PLSCR4: variants seen among roughly 807,000 people sequenced by gnomAD.
PLSCR4 encodes the protein phospholipid scramblase 4, also known as Ca(2+)-dependent phospholipid scramblase 4.
Under a neutral mutation model 36.3 loss-of-function variants are expected in PLSCR4, and 25 were observed. That is an observed-to-expected ratio of 0.69 (90% CI 0.50 to 0.96). The LOEUF (loss-of-function observed/expected upper bound fraction) is 0.96. Ranked by LOEUF, PLSCR4 falls within the 40% of genes least tolerant of loss-of-function variation. The pLI, the probability that PLSCR4 is intolerant of heterozygous loss-of-function variation, is 0.00. For synonymous variants in PLSCR4, 122 were observed against 132.9 expected, an observed-to-expected ratio of 0.92 and a Z score of 0.56; for missense variants, 408 against 414.7, an observed-to-expected ratio of 0.98 and a Z score of 0.14.
chr3:146,217,180 T>A (rs985827542), intron 3 of PLSCR4, among the ~76,000 whole-genome samples: 1 of 152,186 alleles, frequency 6.6e-6, no homozygotes, highest in Non-Finnish European at 1.5e-5. Context: ...AGGTGAATGG[T>A]TGTCACGAAG....
chr3:146,200,974 T>C, intron 5 of PLSCR4, 61 bp downstream of exon 5: 1 of 1,077,494 alleles, frequency 9.3e-7, no homozygotes, highest in Non-Finnish European at 1.4e-6. Flanking sequence ...AACTAGATAT[T>C]GGATAATGCA....
At chr3:146,204,743 G>C (rs2034231198) in intron 4 of PLSCR4, among the ~76,000 whole-genome samples, 1 of 151,966 alleles carries the variant, frequency 6.6e-6, no homozygotes, top group Non-Finnish European at 1.5e-5. Flanking sequence ...AAAGAGAATT[G>C]ACTGTAGAAG....
At chr3:146,201,010 T>A in intron 5 of PLSCR4, 25 bp downstream of exon 5, 1 of 1,460,402 alleles carries the variant, frequency 6.8e-7, no homozygotes, top group Non-Finnish European at 9.3e-7. Flanking sequence ...AAAATACTGC[T>A]GAGCACTACA....
chr3:146,217,920 A>C (rs2034965955), intron 3 of PLSCR4, among the ~76,000 whole-genome samples: 1 of 152,196 alleles, frequency 6.6e-6, no homozygotes, highest in Non-Finnish European at 1.5e-5. Context: ...AGTATTAACA[A>C]GATCACTTAG....
chr3:146,239,254 G>A (rs141153028), intron 1 of PLSCR4, among the ~76,000 whole-genome samples: 139 of 152,128 alleles, frequency 9.1e-4, no homozygotes, highest in African/African-American at 3.2e-3. Context: ...GAAATAAAAG[G>A]GTCCCATAAA....
chr3:146,230,762 AAG>A (rs1222907325), intron 1 of PLSCR4, among the ~76,000 whole-genome samples: 1 of 152,222 alleles, frequency 6.6e-6, no homozygotes, highest in East Asian at 1.9e-4. Flanking sequence ...AAGAACCTTA[AAG>A]AGAATTAAAT....
At position 146,218,875 on chromosome 3, in the gene PLSCR4, A is replaced by G. The variant is rs545891121; in HGVS notation, c.118+1940T>C. Among the ~76,000 whole-genome samples the G allele has an allele frequency of 3.1e-4, 47 of 152,356 alleles. No homozygotes were observed. In the East Asian group the frequency reaches 8.9e-3, roughly 29 times the overall value. ...CATTTTCTCTTTAAATATACTAAAT[A>G]TAACAAAGGTTTCTTTATTCTCTTA... is the stretch of plus-strand genomic sequence containing the variant. On this transcript the variant is annotated intron_variant, in intron 3 of 8. Coordinates refer to ENST00000354952, the MANE Select transcript of PLSCR4 (RefSeq NM_020353.3).
chr3:146,215,626 T>A (rs921352953), intron 3 of PLSCR4, among the ~76,000 whole-genome samples: 2 of 151,982 alleles, frequency 1.3e-5, no homozygotes, highest in African/African-American at 4.8e-5. Flanking sequence ...TGTGTGTATA[T>A]GTATGTATAT....
intron 1 of PLSCR4, among the ~76,000 whole-genome samples, chr3:146,225,559 G>A (rs1417719315): frequency 6.6e-6 from 1 of 152,210 alleles, no homozygotes; most frequent in African/African-American, 2.4e-5. Context: ...GCAGGCAGCA[G>A]GTCCCGAGCC....
intron 1 of PLSCR4, among the ~76,000 whole-genome samples, chr3:146,246,776 A>T (rs2036354384): frequency 6.6e-6 from 1 of 152,166 alleles, no homozygotes; most frequent in South Asian, 2.1e-4. Flanking sequence ...AGTCACTTTG[A>T]TAAGAAACTT....
At position 146,196,853 on chromosome 3, in the gene PLSCR4, T is replaced by A. The variant is rs867025771; in HGVS notation, c.625-60A>T. On this transcript the variant is annotated intron_variant, in intron 6 of 8. Coordinates refer to ENST00000354952, the MANE Select transcript of PLSCR4 (RefSeq NM_020353.3). ...ACATGCATACACATACACTTACACA[T>A]ACGCACATACACAATCTAGATGTGT... 47 of 1,414,452 alleles carry A rather than the reference T, an allele frequency of 3.3e-5. No homozygotes were observed. In the African/African-American group the frequency reaches 5.9e-4, roughly 18 times the overall value. The allele number at this position is 1,414,452 out of a possible 1,614,324, so 87.6% of individuals were successfully genotyped here. A position where few individuals can be genotyped will look rare whatever the true frequency, so the allele number is the denominator to read the frequency against.
intron 1 of PLSCR4, among the ~76,000 whole-genome samples, chr3:146,248,366 AAAC>A (rs1474429789): frequency 5.3e-5 from 8 of 152,300 alleles, no homozygotes; most frequent in East Asian, 1.9e-4. Flanking sequence ...GAAATGTGTA[AAAC>A]AACATCACTA....
chr3:146,193,230 T>C lies in PLSCR4; in HGVS notation c.*1181A>G, dbSNP rs924978254. On this transcript the variant is annotated 3_prime_UTR_variant, in exon 9 of 9. Coordinates refer to ENST00000354952, the MANE Select transcript of PLSCR4 (RefSeq NM_020353.3). The stretch of plus-strand genomic sequence containing the variant: ...TGGCATGCTGTAGACCATAGAGAAA[T>C]AGAATGTTTACTGTGTTTTATTATT... The C allele has an allele frequency of 6.6e-6, 1 of 152,192 alleles. No individual in the cohort carries two copies. The highest frequency in any genetic ancestry group is 1.5e-5 in the Non-Finnish European group (1 of 68,024). The allele number at this position is 152,192 out of a possible 1,614,324, so 9.4% of individuals were successfully genotyped here. A position where few individuals can be genotyped will look rare whatever the true frequency, so the allele number is the denominator to read the frequency against.
At chr3:146,244,550 T>A (rs925267401) in intron 1 of PLSCR4, among the ~76,000 whole-genome samples, 2 of 152,160 alleles carry the variant, frequency 1.3e-5, no homozygotes, top group African/African-American at 4.8e-5. Flanking sequence ...TGGTGATCTA[T>A]GATCAGTGAT....
At position 146,196,726 on chromosome 3, in the gene PLSCR4, G is replaced by A. The variant is rs769930529; in HGVS notation, c.692C>T (p.Ala231Val). The change falls in exon 7 of 9, where the codon GCG (alanine) becomes GTG (valine). Residue 231 changes from alanine (A) to valine (V), a missense_variant. Physicochemically the swap from Ala to Val is moderately conservative, Grantham distance 64. Transcript: ENST00000354952. ...CTTCTCATTTTGGATGCTGTACACC[G>A]CCCTGCACAGGTTCCAATGTTCCGC... ...FVAEHWNLCR[A>V]VYSIQNEKKE... is the part of the protein sequence containing the mutation. 14 of 1,613,666 alleles carry A rather than the reference G, an allele frequency of 8.7e-6. No homozygotes were observed. Among genetic ancestry groups the A allele is most frequent in the African/African-American group, 4.0e-5 (3 of 74,856 alleles).
At position 146,194,364 on chromosome 3, in the gene PLSCR4, T is replaced by C; in HGVS notation, c.*47A>G. On this transcript the variant is annotated 3_prime_UTR_variant, in exon 9 of 9. Transcript: ENST00000354952. ...TGCTGACTGTAAGCCCAATCCAACT[T>C]TTCCATTTTTCAAAATTAACCATAG... 7.4e-7 allele frequency: 1 copy of C among 1,344,834 alleles called. No individual in the cohort carries two copies. Among genetic ancestry groups the C allele is most frequent in the South Asian group, 1.2e-5 (1 of 85,262 alleles). 83.3% of individuals were successfully genotyped at this position (1,344,834 alleles called of 1,614,324 possible).
At position 146,227,142 on chromosome 3, in the gene PLSCR4, G is replaced by A. The variant is rs113386157; in HGVS notation, c.-21-5050C>T. ...TCACTTAGCAACAGCAAAAAGTGCC[G>A]TATCTTGAAAAAATTGATTTTTGGC... On this transcript the variant is annotated intron_variant, in intron 1 of 8. Transcript: ENST00000354952. Among the ~76,000 whole-genome samples, 1,024 of 152,224 alleles carry A rather than the reference G, an allele frequency of 6.7e-3. 10 individuals are homozygous for A. Among genetic ancestry groups the A allele is most frequent in the African/African-American group, 0.024 (990 of 41,536 alleles).
intron 3 of PLSCR4, among the ~76,000 whole-genome samples, chr3:146,212,205 G>A (rs1310884281): frequency 2.0e-5 from 3 of 151,714 alleles, no homozygotes; most frequent in East Asian, 1.9e-4. Flanking sequence ...TTCTTTCAAC[G>A]TTTTATAGTT....
intron 3 of PLSCR4, among the ~76,000 whole-genome samples, chr3:146,213,008 C>T (rs546461200): frequency 6.6e-6 from 1 of 152,220 alleles, no homozygotes; most frequent in South Asian, 2.1e-4. Flanking sequence ...TAATATAGTA[C>T]ATACATTGAT....
Sources: allele counts gnomAD v4.1 joint callset (sites outside exome capture counted in the v4.1 genomes callset), GRCh38; gene constraint gnomAD v4.1.1; transcripts MANE v1.5; gene names NCBI Gene and HGNC (gene_info 2026-07-23, HGNC 2026-07-21).